The following AIG1 variants were observed in gnomAD, a reference collection of about 807,000 sequenced individuals.
The protein encoded by AIG1 is androgen induced 1, also known as androgen-induced gene 1 protein.
Under a neutral mutation model 31.4 loss-of-function variants are expected in AIG1, and 23 were observed. The observed-to-expected ratio is 0.73, with a 90% CI of 0.53 to 1.04. The LOEUF (loss-of-function observed/expected upper bound fraction) is 1.04. Ranked by LOEUF, AIG1 falls within the 50% of genes least tolerant of loss-of-function variation. AIG1 has a pLI of 0.00. For synonymous variants in AIG1, 100 were observed against 110.5 expected (o/e 0.90, Z 0.60); for missense variants, 274 against 295.0 (o/e 0.93, Z 0.52).
Position 143,230,925 on chromosome 6 carries a change from A to G in AIG1, c.400-53185A>G, listed in dbSNP as rs571945534. 3.9e-5 allele frequency among the ~76,000 whole-genome samples: 6 copies of G among 152,328 alleles called. No individual in the cohort carries two copies. The East Asian group carries it at 7.7e-4, about 20-fold the overall frequency. On this transcript the variant is annotated intron_variant, in intron 3 of 5. Coordinates refer to ENST00000357847, the MANE Select transcript of AIG1 (RefSeq NM_016108.4). ...CCATTTGTTGCTCCTTAAATGTACA[A>G]TTAACTTTCACACCTCCCATTCTTG...
intron 3 of AIG1, among the ~76,000 whole-genome samples, chr6:143,200,874 A>G (rs1304185330): frequency 1.3e-5 from 2 of 152,048 alleles, no homozygotes; most frequent in African/African-American, 4.8e-5. Context: ...TCATCCCACA[A>G]AAGTCAACAA....
At chr6:143,218,195 G>C (rs1474875495) in intron 3 of AIG1, among the ~76,000 whole-genome samples, 1 of 152,168 alleles carries the variant, frequency 6.6e-6, no homozygotes, top group African/African-American at 2.4e-5. Context: ...TTATTTAGTT[G>C]TGGGATATTT....
At chr6:143,118,419 A>G (rs1380552269) in intron 1 of AIG1, among the ~76,000 whole-genome samples, 1 of 151,618 alleles carries the variant, frequency 6.6e-6, no homozygotes, top group African/African-American at 2.4e-5. Flanking sequence ...AGATCGTGCC[A>G]CTGCACTCCA....
rs574289494 is a variant in AIG1, at chr6:143,292,234, C to G, written c.515+8009C>G. 8.5e-5 allele frequency among the ~76,000 whole-genome samples: 13 copies of G among 152,334 alleles called. No homozygotes were observed. In the East Asian group the frequency reaches 2.5e-3, roughly 29 times the overall value. On this transcript the variant is annotated intron_variant, in intron 4 of 5. Transcript: ENST00000357847. This position sits in a 1 kb window ranked among gnomAD's most constrained non-coding sequence, Gnocchi z 4.9. ...TCCCCAGAACTTGTGGATATGTTCC[C>G]TGACATGGCATGTGGCAAAAGGGAC...
chr6:143,105,356 A>T (rs1209522765), intron 1 of AIG1, among the ~76,000 whole-genome samples: 1 of 152,246 alleles, frequency 6.6e-6, no homozygotes, highest in Non-Finnish European at 1.5e-5. Flanking sequence ...GGAACCCATG[A>T]GAGTGAGCCA....
chr6:143,139,334 A>G (rs1217371567), intron 2 of AIG1, among the ~76,000 whole-genome samples: 2 of 149,144 alleles, frequency 1.3e-5, no homozygotes, highest in Non-Finnish European at 3.0e-5. Flanking sequence ...CCAGCATCAC[A>G]CTTTCATGGC....
intron 2 of AIG1, among the ~76,000 whole-genome samples, chr6:143,151,298 C>T (rs1694400317): frequency 6.6e-6 from 1 of 152,068 alleles, no homozygotes; most frequent in African/African-American, 2.4e-5. Flanking sequence ...TAAGTGTGCT[C>T]CCATTTAGAG....
At chr6:143,300,185 A>G (rs1798728558) in intron 4 of AIG1, among the ~76,000 whole-genome samples, 1 of 152,248 alleles carries the variant, frequency 6.6e-6, no homozygotes, top group African/African-American at 2.4e-5. Flanking sequence ...ACTGGGGACC[A>G]ATGAGCATGT....
chr6:143,245,972 C>T (rs527238917), intron 3 of AIG1, among the ~76,000 whole-genome samples: 21 of 152,010 alleles, frequency 1.4e-4, no homozygotes, highest in South Asian at 8.3e-4. Flanking sequence ...TGTCTTGGGC[C>T]GCACATAAAA....
At chr6:143,082,063 G>A (rs1778307461) in intron 1 of AIG1, among the ~76,000 whole-genome samples, 2 of 152,096 alleles carry the variant, frequency 1.3e-5, no homozygotes, top group Admixed American at 6.5e-5. Context: ...TGTTTGATAC[G>A]TGTTCCCTCG....
chr6:143,301,769 A>C (rs1184314560), intron 4 of AIG1, among the ~76,000 whole-genome samples: 1 of 152,208 alleles, frequency 6.6e-6, no homozygotes. Flanking sequence ...TTATAATTCA[A>C]GGTGAGATTT....
At chr6:143,189,673 C>G in intron 3 of AIG1, 1 of 985,242 alleles carries the variant, frequency 1.0e-6, no homozygotes, top group Non-Finnish European at 1.2e-6. Context: ...CAGTATCATC[C>G]TTTTTTTCTG....
chr6:143,097,740 AGGGCATGG>A (rs1025290367), intron 1 of AIG1, among the ~76,000 whole-genome samples: 1 of 152,182 alleles, frequency 6.6e-6, no homozygotes, highest in African/African-American at 2.4e-5. Context: ...TATTAGCCAA[AGGGCATGG>A]TGACCTTGCT....
intron 3 of AIG1, among the ~76,000 whole-genome samples, chr6:143,222,301 A>T (rs1170380638): frequency 4.6e-5 from 7 of 152,020 alleles, no homozygotes; most frequent in Non-Finnish European, 8.8e-5. Context: ...CCCCCATAGC[A>T]CTCACTAGTA....
In AIG1 at chr6:143,329,307, C is replaced by A. The variant is rs1269575331; in HGVS notation, c.516-3975C>A. On this transcript the variant is annotated intron_variant, in intron 4 of 5. Coordinates refer to ENST00000357847, the MANE Select transcript of AIG1 (RefSeq NM_016108.4). The surrounding 1 kb of genome is among the most constrained non-coding windows in gnomAD (Gnocchi z 4.9). ...AGCTTTGCCAGTTTTATGATAAGTT[C>A]TTTAGTCTGATCTCAGTTTCTTTAC... 6.6e-6 allele frequency among the ~76,000 whole-genome samples: 1 copy of A among 152,282 alleles called. No homozygotes were observed. Among genetic ancestry groups the A allele is most frequent in the Non-Finnish European group, 1.5e-5 (1 of 68,014 alleles).
intron 3 of AIG1, among the ~76,000 whole-genome samples, chr6:143,209,339 C>T (rs60991250): frequency 0.015 from 2,208 of 152,198 alleles, 61 homozygotes; most frequent in African/African-American, 0.051. Flanking sequence ...CTTGTGAATA[C>T]GTTATGTTAC....
intron 3 of AIG1, among the ~76,000 whole-genome samples, chr6:143,246,284 G>A (rs1583613759): frequency 6.7e-6 from 1 of 149,406 alleles, no homozygotes; most frequent in African/African-American, 2.5e-5. Flanking sequence ...AAAAAAAAAA[G>A]AGGTTTAATG....
In AIG1 at chr6:143,284,571, A is replaced by G. The variant is rs528517109; in HGVS notation, c.515+346A>G. On this transcript the variant is annotated intron_variant, in intron 4 of 5. Transcript: ENST00000357847. The surrounding 1 kb of genome is among the most constrained non-coding windows in gnomAD (Gnocchi z 4.4). Reference sequence around the variant, plus strand: ...GTTGTTGTTGCTTTTGTTGGGGGGCAGGGGAGTTGCAGCAAACACAAATGA... The same window carrying G: ...GTTGTTGTTGCTTTTGTTGGGGGGCGGGGGAGTTGCAGCAAACACAAATGA... Among the ~76,000 whole-genome samples, 1 of 152,194 alleles carries G rather than the reference A, an allele frequency of 6.6e-6. No individual in the cohort carries two copies. The highest frequency in any genetic ancestry group is 2.4e-5 in the African/African-American group (1 of 41,520).
intron 3 of AIG1, among the ~76,000 whole-genome samples, chr6:143,272,365 G>A (rs1195748643): frequency 6.6e-6 from 1 of 152,170 alleles, no homozygotes; most frequent in Non-Finnish European, 1.5e-5. Context: ...ACCCTCCAGA[G>A]CAGCTTTCTT....
Sources: allele counts gnomAD v4.1 joint callset (sites outside exome capture counted in the v4.1 genomes callset), GRCh38; gene constraint gnomAD v4.1.1; non-coding constraint Gnocchi (gnomAD v3.1); transcripts MANE v1.5; gene names NCBI Gene and HGNC (gene_info 2026-07-23, HGNC 2026-07-21).